Variants in NRXN3 observed in about 807,000 individuals in gnomAD.
The protein encoded by NRXN3 is neurexin 3, also known as neurexin III.
A neutral mutation model predicts 137.6 loss-of-function variants in NRXN3; 32 were observed. The ratio of observed to expected loss-of-function variants is 0.23; its 90% CI spans 0.18 to 0.31. NRXN3 has a LOEUF of 0.31. NRXN3 is among the 10% of genes least tolerant of loss of function. The pLI is 1.00. For missense variants in NRXN3, 1,574 were observed against 2,062.5 expected, an observed-to-expected ratio of 0.76 and a Z score of 4.59; for synonymous variants, 798 against 784.5, an observed-to-expected ratio of 1.02 and a Z score of -0.29.
chr14:79,038,859 C>T (rs1320539248), intron 15 of NRXN3, among the ~76,000 whole-genome samples: 2 of 152,106 alleles, frequency 1.3e-5, no homozygotes, highest in African/African-American at 2.4e-5. Context: ...CCATCTGGAT[C>T]TCTGGGAAAA....
chr14:78,176,159 G>T (rs769558821), intron 1 of NRXN3, among the ~76,000 whole-genome samples: 5 of 152,176 alleles, frequency 3.3e-5, no homozygotes, highest in Non-Finnish European at 7.3e-5. Flanking sequence ...TCTTAGCCCT[G>T]CCTGAATGTC....
intron 4 of NRXN3, among the ~76,000 whole-genome samples, chr14:78,517,179 A>G (rs1232225064): frequency 6.6e-6 from 1 of 152,188 alleles, no homozygotes; most frequent in Non-Finnish European, 1.5e-5. Flanking sequence ...GAATGAAAAT[A>G]AACACTTTAG....
At chr14:78,353,773 G>A (rs935039297) in intron 4 of NRXN3, among the ~76,000 whole-genome samples, 20 of 152,214 alleles carry the variant, frequency 1.3e-4, no homozygotes, top group Admixed American at 9.8e-4. Context: ...CTATATCCTC[G>A]GAGATGAGCC....
At chr14:78,464,219 A>AT (rs1180282846) in intron 4 of NRXN3, among the ~76,000 whole-genome samples, 9 of 151,446 alleles carry the variant, frequency 5.9e-5, no homozygotes, top group Non-Finnish European at 1.0e-4. Flanking sequence ...TGTCCAGCTA[A>AT]TTTTTTTTGT....
chr14:78,891,119 A>C (rs2099157686), intron 10 of NRXN3, among the ~76,000 whole-genome samples: 1 of 151,948 alleles, frequency 6.6e-6, no homozygotes, highest in African/African-American at 2.4e-5. Context: ...CTAAGCCCAC[A>C]TAAGACAGGA....
intron 16 of NRXN3, among the ~76,000 whole-genome samples, chr14:79,637,301 T>C (rs1398331907): frequency 6.6e-6 from 1 of 152,200 alleles, no homozygotes; most frequent in Non-Finnish European, 1.5e-5. Context: ...ATTATTATTA[T>C]TGTTATTGTT....
At chr14:78,827,996 T>C (rs2098971810) in intron 10 of NRXN3, among the ~76,000 whole-genome samples, 1 of 152,218 alleles carries the variant, frequency 6.6e-6, no homozygotes, top group Admixed American at 6.5e-5. Context: ...TCAAATTGAT[T>C]TGTAACAAAG....
At chr14:78,762,456 G>C (rs2098695675) in intron 8 of NRXN3, among the ~76,000 whole-genome samples, 1 of 152,134 alleles carries the variant, frequency 6.6e-6, no homozygotes, top group Non-Finnish European at 1.5e-5. Context: ...ATCTCTTTGA[G>C]TCTCAGTTTC....
rs184520051 is a variant in NRXN3 at position 79,256,191 on chromosome 14, T to A, written c.3263-211030T>A. Among the ~76,000 whole-genome samples, 420 of 150,394 alleles carry A rather than the reference T, an allele frequency of 2.8e-3. 1 individual carries two copies. The highest frequency in any genetic ancestry group is 4.4e-3 in the Non-Finnish European group (295 of 67,356). On this transcript the variant is annotated intron_variant, in intron 15 of 20. Coordinates refer to ENST00000335750, the MANE Select transcript of NRXN3 (RefSeq NM_001330195.2). ...CTCTCTGTCTCTCTCTCTCTCTCTC[T>A]CACACACACACACACCCCCCAGAAG...
chr14:78,922,936 A>G (rs1395711882), intron 10 of NRXN3, among the ~76,000 whole-genome samples: 1 of 152,240 alleles, frequency 6.6e-6, no homozygotes, highest in Non-Finnish European at 1.5e-5. Flanking sequence ...TTGTCACAGC[A>G]GCATTTTTTC....
intron 8 of NRXN3, among the ~76,000 whole-genome samples, chr14:78,747,149 T>G (rs898103912): frequency 2.6e-5 from 4 of 152,102 alleles, no homozygotes; most frequent in African/African-American, 9.7e-5. Flanking sequence ...GTTGAAAGTC[T>G]GGTGTTTCAC....
chr14:78,436,701 A>T (rs1211640899), intron 4 of NRXN3, among the ~76,000 whole-genome samples: 1 of 152,222 alleles, frequency 6.6e-6, no homozygotes, highest in Non-Finnish European at 1.5e-5. Context: ...ACATGCGGCT[A>T]GTGAGGACAG....
chr14:79,281,246 C>T (rs74067963), intron 15 of NRXN3, among the ~76,000 whole-genome samples: 6,580 of 152,152 alleles, frequency 0.043, 345 homozygotes, highest in African/African-American at 0.12. Context: ...GTGTAAATGA[C>T]AGTAACTTGG....
At chr14:78,691,672 T>C (rs2098171813) in intron 6 of NRXN3, among the ~76,000 whole-genome samples, 1 of 152,132 alleles carries the variant, frequency 6.6e-6, no homozygotes, top group Admixed American at 6.5e-5. Flanking sequence ...TTTCAGATTG[T>C]TATCTGAAAT....
At chr14:79,407,895 T>C (rs1365775917) in intron 15 of NRXN3, among the ~76,000 whole-genome samples, 2 of 152,206 alleles carry the variant, frequency 1.3e-5, no homozygotes, top group Non-Finnish European at 2.9e-5. Flanking sequence ...ATTGTTGATA[T>C]TGCAGGTGTA....
intron 15 of NRXN3, among the ~76,000 whole-genome samples, chr14:79,105,469 A>G (rs1442845183): frequency 6.6e-6 from 1 of 152,142 alleles, no homozygotes; most frequent in Non-Finnish European, 1.5e-5. Flanking sequence ...ATCTCAAAAC[A>G]ATACATTTCT....
intron 4 of NRXN3, among the ~76,000 whole-genome samples, chr14:78,405,615 G>GGGA (rs74393668): frequency 3.5e-5 from 5 of 144,182 alleles, no homozygotes; most frequent in African/African-American, 7.6e-5. Flanking sequence ...GGAAGGGGCG[G>GGGA]GGGGGTTCCG....
At chr14:78,681,422 T>C (rs1350856818) in intron 6 of NRXN3, among the ~76,000 whole-genome samples, 5 of 152,210 alleles carry the variant, frequency 3.3e-5, no homozygotes, top group African/African-American at 4.8e-5. Context: ...GGAATCGGGA[T>C]TGGGATTTGC....
chr14:78,302,030 C>T (rs1423062873), intron 4 of NRXN3, among the ~76,000 whole-genome samples: 1 of 152,144 alleles, frequency 6.6e-6, no homozygotes, highest in Non-Finnish European at 1.5e-5. Context: ...GCTGTATCTC[C>T]ACCTCTCCAC....
Sources: allele counts gnomAD v4.1 joint callset (sites outside exome capture counted in the v4.1 genomes callset), GRCh38; gene constraint gnomAD v4.1.1; transcripts MANE v1.5; gene names NCBI Gene and HGNC (gene_info 2026-07-23, HGNC 2026-07-21).